MYO1E: variants seen among roughly 807,000 people sequenced by gnomAD.
MYO1E encodes myosin IE, also known as unconventional myosin-Ie.
A neutral mutation model predicts 151.1 loss-of-function variants in MYO1E; 68 were observed. That is an observed-to-expected ratio of 0.45 (90% confidence interval 0.37 to 0.55). The LOEUF (loss-of-function observed/expected upper bound fraction) is 0.55, where lower values mean the gene tolerates loss of function less well. MYO1E is among the 20% of genes least tolerant of loss of function. The pLI is 0.00. For synonymous variants in MYO1E, 601 were observed against 501.7 expected (o/e 1.20, Z -2.64); for missense variants, 1,363 against 1,389.3 (o/e 0.98, Z 0.30).
chr15:59,343,468 T>A (rs2080776909), intron 1 of MYO1E, among the ~76,000 whole-genome samples: 1 of 152,200 alleles, frequency 6.6e-6, no homozygotes, highest in South Asian at 2.1e-4. Context: ...GGAGTTTTGT[T>A]ATTACATGCC....
At chr15:59,253,590 C>G (rs927745589) in intron 4 of MYO1E, among the ~76,000 whole-genome samples, 5 of 145,874 alleles carry the variant, frequency 3.4e-5, no homozygotes, top group Non-Finnish European at 7.4e-5. Flanking sequence ...CAAGCGATTT[C>G]CCTGCCTCAG....
chr15:59,140,263 C>T (rs185025401), intron 26 of MYO1E, among the ~76,000 whole-genome samples: 3 of 152,200 alleles, frequency 2.0e-5, no homozygotes, highest in Non-Finnish European at 4.4e-5. Context: ...TACTATGCTG[C>T]CTTAAGTCAC....
intron 19 of MYO1E, among the ~76,000 whole-genome samples, chr15:59,175,357 G>A (rs1439366925): frequency 1.3e-5 from 2 of 152,178 alleles, no homozygotes; most frequent in East Asian, 1.9e-4. Context: ...TTGCAAAAAT[G>A]TTCCAGAAGT....
chr15:59,146,836 G>A (rs2079444462), intron 26 of MYO1E, among the ~76,000 whole-genome samples: 1 of 151,812 alleles, frequency 6.6e-6, no homozygotes, highest in Non-Finnish European at 1.5e-5. Flanking sequence ...ATCCAATTTA[G>A]TTTTCTTATT....
In MYO1E at chr15:59,210,937, C is replaced by T. The variant is rs367801440; in HGVS notation, c.1276-337G>A. On this transcript the variant is annotated intron_variant, in intron 12 of 27. Coordinates refer to ENST00000288235, the MANE Select transcript of MYO1E (RefSeq NM_004998.4). ...TAACATAGGACTGGGCGCGGTGGCT[C>T]ACATCTGTAATCCCAGCACTTTGGG... 1.3e-4 allele frequency among the ~76,000 whole-genome samples: 20 copies of T among 152,234 alleles called. No homozygotes were observed. The East Asian group carries it at 3.3e-3, about 25-fold the overall frequency.
chr15:59,153,111 A>G (rs1448270723), intron 26 of MYO1E, among the ~76,000 whole-genome samples: 1 of 152,206 alleles, frequency 6.6e-6, no homozygotes, highest in African/African-American at 2.4e-5. Flanking sequence ...CTTTATTTAT[A>G]TTCTAGAAAG....
intron 1 of MYO1E, among the ~76,000 whole-genome samples, chr15:59,284,959 CTGA>C (rs1427616230): frequency 1.3e-5 from 2 of 152,178 alleles, no homozygotes; most frequent in African/African-American, 2.4e-5. Context: ...GAGAGTCACA[CTGA>C]TGTTAGTCCC....
chr15:59,136,641 A>C lies in MYO1E; in HGVS notation c.*739T>G. 1 of 455,680 alleles carries C rather than the reference A, an allele frequency of 2.2e-6. No homozygotes were observed. Among genetic ancestry groups the C allele is most frequent in the Non-Finnish European group, 4.4e-6 (1 of 226,302 alleles). 28.2% of individuals were successfully genotyped at this position (455,680 alleles called of 1,614,324 possible). A position where few individuals can be genotyped will look rare whatever the true frequency, so the allele number is the denominator to read the frequency against. ...TACAGTATATGATCTGTTTTTATAA[A>C]TGTACAGCTTGAAAAAAGATCCTTC... On this transcript the variant is annotated 3_prime_UTR_variant, in exon 28 of 28. Transcript: ENST00000288235.
intron 14 of MYO1E, chr15:59,207,148 A>G (rs1811849203): frequency 6.2e-7 from 1 of 1,614,236 alleles, no homozygotes. Context: ...CGTTCATCAC[A>G]GTAAGGTCTC....
At position 59,214,698 on chromosome 15, in the gene MYO1E, T is replaced by C. The variant is rs761323040; in HGVS notation, c.1130A>G (p.Lys377Arg). 2 of 1,613,774 alleles carry C rather than the reference T, an allele frequency of 1.2e-6. No homozygotes were observed. The highest frequency in any genetic ancestry group is 1.7e-5 in the Admixed American group (1 of 60,024). ...GCCAATGTTGTATTCTTCATGGTCT[T>C]TCTCCATGGCTTTATTGATGGACTA... is the stretch of plus-strand genomic sequence containing the variant. ...LVDSINKAME[K>R]DHEEYNIGVL... The change falls in exon 11 of 28, where the codon AAA (lysine) becomes AGA (arginine). Residue 377 changes from lysine to arginine, a missense_variant. Transcript: ENST00000288235.
intron 17 of MYO1E, among the ~76,000 whole-genome samples, chr15:59,193,933 T>C (rs1483665070): frequency 6.6e-6 from 1 of 152,062 alleles, no homozygotes; most frequent in African/African-American, 2.4e-5. Flanking sequence ...TCCCAGCACT[T>C]TGGGAGGCCG....
At chr15:59,369,801 T>C (rs1474724814) in intron 1 of MYO1E, among the ~76,000 whole-genome samples, 2 of 152,134 alleles carry the variant, frequency 1.3e-5, no homozygotes, top group Non-Finnish European at 2.9e-5. Flanking sequence ...ATTTTCCTTA[T>C]GAGTCACAAC....
At position 59,214,232 on chromosome 15, in the gene MYO1E, T is replaced by C; in HGVS notation, c.1271A>G (p.Glu424Gly). The C allele has an allele frequency of 1.2e-6, 2 of 1,610,824 alleles. No homozygotes were observed. Among genetic ancestry groups the C allele is most frequent in the Non-Finnish European group, 1.7e-6 (2 of 1,177,400 alleles). ...GAAGGAAGAGGGACTGCTTACCTGT[T>C]CTGCCTTTAATGTCAGTTCAATAAA... ...QIFIELTLKA[E>G]QEEYVQEGIR... Residue 424 changes from glutamate (E) to glycine (G), a missense_variant, in exon 12 of 28, where the codon GAA becomes GGA. Physicochemically the swap from Glu to Gly is moderately conservative, Grantham distance 98. Coordinates refer to ENST00000288235, the MANE Select transcript of MYO1E (RefSeq NM_004998.4).
intron 1 of MYO1E, among the ~76,000 whole-genome samples, chr15:59,311,569 A>G (rs1367514308): frequency 6.6e-6 from 1 of 152,142 alleles, no homozygotes; most frequent in Non-Finnish European, 1.5e-5. Context: ...TGGGCACAGA[A>G]ATCACATGAG....
chr15:59,220,542 AT>A (rs1269376474), intron 9 of MYO1E, among the ~76,000 whole-genome samples: 1 of 151,940 alleles, frequency 6.6e-6, no homozygotes, highest in Non-Finnish European at 1.5e-5. Context: ...AAATCTTACC[AT>A]TTTTTTCCAT....
At chr15:59,286,096 G>T (rs1294884397) in intron 1 of MYO1E, among the ~76,000 whole-genome samples, 1 of 152,180 alleles carries the variant, frequency 6.6e-6, no homozygotes, top group South Asian at 2.1e-4. Flanking sequence ...CTATCACCCT[G>T]TACCATGGAA....
chr15:59,227,208 G>A (rs1447876600), intron 7 of MYO1E, among the ~76,000 whole-genome samples: 15 of 152,190 alleles, frequency 9.9e-5, no homozygotes, highest in African/African-American at 2.9e-4. Flanking sequence ...AACACTCCTC[G>A]TTTTGTTTTG....
At chr15:59,227,195 TC>T in intron 7 of MYO1E, among the ~76,000 whole-genome samples, 1 of 152,190 alleles carries the variant, frequency 6.6e-6, no homozygotes, top group East Asian at 1.9e-4. Flanking sequence ...TGGCAAAGAC[TC>T]CAACACTCCT....
At chr15:59,249,846 C>T (rs1187877236) in intron 4 of MYO1E, among the ~76,000 whole-genome samples, 1 of 152,154 alleles carries the variant, frequency 6.6e-6, no homozygotes, top group African/African-American at 2.4e-5. Context: ...AGATGGAGCA[C>T]CTGCCCCATC....
Sources: gnomAD v4.1 joint callset for allele counts (sites outside exome capture counted in the v4.1 genomes callset) on GRCh38, gnomAD v4.1.1 for gene constraint, MANE v1.5 for transcripts, NCBI Gene and HGNC (gene_info 2026-07-23, HGNC 2026-07-21) for gene names.